VPS13D: variants seen among roughly 807,000 people sequenced by gnomAD.
The protein encoded by VPS13D is intermembrane lipid transfer protein VPS13D.
A neutral mutation model predicts 461.9 loss-of-function variants in VPS13D; 187 were observed. The ratio of observed to expected loss-of-function variants is 0.40; its 90% CI spans 0.36 to 0.46. VPS13D has a LOEUF of 0.46. VPS13D is among the 20% of genes least tolerant of loss of function. VPS13D has a pLI of 0.60. For synonymous variants in VPS13D, 1,951 were observed against 1,986.3 expected, an observed-to-expected ratio of 0.98 and a Z score of 0.47; for missense variants, 4,711 against 5,364.9, an observed-to-expected ratio of 0.88 and a Z score of 3.81.
chr1:12,358,673 G>C lies in VPS13D; in HGVS notation c.10141+72G>C. The C allele has an allele frequency of 5.1e-6, 8 of 1,567,876 alleles. No homozygotes were observed. The South Asian group carries it at 9.6e-5, about 19-fold the overall frequency. ...GACCTCAGGCTTGGAGGAATGACCTGGCCATGCATTTTGGCCTGACTACAA... is the reference window on the plus strand; with the variant it reads ...GACCTCAGGCTTGGAGGAATGACCTCGCCATGCATTTTGGCCTGACTACAA... On this transcript the variant is annotated intron_variant, in intron 50 of 69. Coordinates refer to ENST00000620676, the MANE Select transcript of VPS13D (RefSeq NM_015378.4).
chr1:12,408,890 A>G (rs923691734), intron 63 of VPS13D, among the ~76,000 whole-genome samples: 2 of 151,076 alleles, frequency 1.3e-5, no homozygotes, highest in African/African-American at 4.9e-5. Flanking sequence ...CGTTTATTCT[A>G]CTTCTTCTTT....
At position 12,283,590 on chromosome 1, in the gene VPS13D, T is replaced by C. The variant is rs1425537769; in HGVS notation, c.5488T>C (p.Leu1830=). 1 of 1,614,124 alleles carries C rather than the reference T, an allele frequency of 6.2e-7. No individual in the cohort carries two copies. Among genetic ancestry groups the C allele is most frequent in the Non-Finnish European group, 8.5e-7 (1 of 1,180,044 alleles). ...CACACTGCAAACCTGGGTTGTGATA[T>C]TAGACTTTTTTGGAATCGGCTCCAC... ...LITLQTWVVI[L]DFFGIGSTAD... The change falls in exon 21 of 70, where the codon TTA becomes CTA. Residue 1830 remains leucine (L), a synonymous_variant. Transcript: ENST00000620676.
At chr1:12,504,769 G>A (rs1646082360) in intron 68 of VPS13D, among the ~76,000 whole-genome samples, 1 of 152,170 alleles carries the variant, frequency 6.6e-6, no homozygotes, top group Admixed American at 6.5e-5. Flanking sequence ...GAACCATCTG[G>A]GGCATCTTGG....
chr1:12,428,406 A>G (rs546986052), intron 65 of VPS13D, among the ~76,000 whole-genome samples: 1 of 152,370 alleles, frequency 6.6e-6, no homozygotes, highest in East Asian at 1.9e-4. Context: ...ATTCCTAAGA[A>G]CAAGGACATT....
chr1:12,278,242 C>G (rs1006210018), intron 19 of VPS13D, among the ~76,000 whole-genome samples: 5 of 152,126 alleles, frequency 3.3e-5, no homozygotes, highest in African/African-American at 1.2e-4. Context: ...TCATATTTGA[C>G]AAAACAGGAA....
At chr1:12,401,842 G>C (rs35985718) in intron 62 of VPS13D, 138 bp downstream of exon 62, 15 of 643,724 alleles carry the variant, frequency 2.3e-5, no homozygotes, top group African/African-American at 5.4e-5. Context: ...GGAAGCTAAG[G>C]CTTGTGTTTC....
At chr1:12,378,718 C>T in intron 56 of VPS13D, 127 bp downstream of exon 56, 1 of 1,016,260 alleles carries the variant, frequency 9.8e-7, no homozygotes, top group Non-Finnish European at 1.3e-6. Context: ...ATGACAAAAA[C>T]CTGTCATATT....
At chr1:12,379,394 G>A in intron 56 of VPS13D, 94 bp from the exon 57 acceptor site, 1 of 1,154,732 alleles carries the variant, frequency 8.7e-7, no homozygotes, top group Non-Finnish European at 1.2e-6. Context: ...GGCATTAGAA[G>A]GAAGAAGAGC....
chr1:12,292,279 A>T (rs1642154611), intron 23 of VPS13D, among the ~76,000 whole-genome samples: 1 of 150,808 alleles, frequency 6.6e-6, no homozygotes, highest in African/African-American at 2.4e-5. Flanking sequence ...AAAAAAAAAA[A>T]AAAAAAAGCT....
At chr1:12,360,336 T>C (rs1643930611) in intron 50 of VPS13D, among the ~76,000 whole-genome samples, 1 of 152,140 alleles carries the variant, frequency 6.6e-6, no homozygotes, top group South Asian at 2.1e-4. Flanking sequence ...ATCAGGAAAG[T>C]TTAAAGCATA....
chr1:12,351,542 G>A (rs1643794559), intron 46 of VPS13D, among the ~76,000 whole-genome samples: 2 of 151,782 alleles, frequency 1.3e-5, no homozygotes, highest in Non-Finnish European at 2.9e-5. Context: ...CACCCACCTT[G>A]GCCTCCCAAA....
chr1:12,248,683 C>T (rs944715509), intron 5 of VPS13D, among the ~76,000 whole-genome samples: 7 of 152,168 alleles, frequency 4.6e-5, no homozygotes, highest in African/African-American at 1.7e-4. Flanking sequence ...GAGTGCCTTT[C>T]CTGTAGCCCA....
intron 65 of VPS13D, among the ~76,000 whole-genome samples, chr1:12,432,967 G>A (rs1487387559): frequency 6.6e-6 from 1 of 152,204 alleles, no homozygotes; most frequent in Non-Finnish European, 1.5e-5. Flanking sequence ...TGCCCCACCA[G>A]TCCCACAGGT....
intron 36 of VPS13D, 105 bp downstream of exon 36, chr1:12,327,959 G>T: frequency 2.6e-6 from 3 of 1,141,168 alleles, no homozygotes; most frequent in East Asian, 2.6e-5. Context: ...TTAGTCATTT[G>T]GGTGAAATTT....
intron 67 of VPS13D, chr1:12,464,832 TAAG>T (rs1253778091): frequency 2.6e-5 from 4 of 152,354 alleles, no homozygotes; most frequent in African/African-American, 9.6e-5. Flanking sequence ...GGAACTGAAA[TAAG>T]AAACCTTTTC....
At chr1:12,288,895 G>C (rs1455513166) in intron 22 of VPS13D, among the ~76,000 whole-genome samples, 1 of 152,140 alleles carries the variant, frequency 6.6e-6, no homozygotes, top group Non-Finnish European at 1.5e-5. Context: ...AGGCTAGAGT[G>C]CAGTGGTGCA....
intron 65 of VPS13D, among the ~76,000 whole-genome samples, chr1:12,444,394 T>C (rs1645167931): frequency 6.6e-6 from 1 of 152,192 alleles, no homozygotes; most frequent in Admixed American, 6.5e-5. Flanking sequence ...GTAGAACTTC[T>C]TGAATTTGCA....
chr1:12,352,831 G>C (rs1464044808), intron 46 of VPS13D, among the ~76,000 whole-genome samples: 1 of 151,848 alleles, frequency 6.6e-6, no homozygotes, highest in Non-Finnish European at 1.5e-5. Context: ...CAGACATGGT[G>C]GTGCACTCCT....
rs1002933814 is a variant in VPS13D, at chr1:12,279,463, G to A, written c.4451-36G>A. ...TCAGCAGTAATGAAGTAAATATTAA[G>A]GTTTATGGTCTATCATTTCATCTCT... On this transcript the variant is annotated intron_variant, in intron 19 of 69. Coordinates refer to ENST00000620676, the MANE Select transcript of VPS13D (RefSeq NM_015378.4). This position sits in a 1 kb window ranked among gnomAD's most constrained non-coding sequence, Gnocchi z 4.3. 36 of 1,567,122 alleles carry A rather than the reference G, an allele frequency of 2.3e-5. No homozygotes were observed. Among genetic ancestry groups the A allele is most frequent in the Non-Finnish European group, 3.0e-5 (34 of 1,149,250 alleles).
Sources: gnomAD v4.1 joint callset for allele counts (sites outside exome capture counted in the v4.1 genomes callset) on GRCh38, gnomAD v4.1.1 for gene constraint, Gnocchi (gnomAD v3.1) non-coding constraint, MANE v1.5 for transcripts, NCBI Gene and HGNC (gene_info 2026-07-23, HGNC 2026-07-21) for gene names.